The following CCDC15 variants were observed in gnomAD, a reference collection of about 807,000 sequenced individuals.
CCDC15 encodes coiled-coil domain containing 15.
A neutral mutation model predicts 114.5 loss-of-function variants in CCDC15; 105 were observed. That is an observed-to-expected ratio of 0.92 (90% confidence interval 0.78 to 1.08). CCDC15 has a LOEUF of 1.08. CCDC15 is among the 50% of genes least tolerant of loss of function. The pLI, the probability that CCDC15 is intolerant of heterozygous loss-of-function variation, is 0.00. For synonymous variants in CCDC15, 334 were observed against 377.8 expected (o/e 0.88, Z 1.34); for missense variants, 1,105 against 1,093.6 (o/e 1.01, Z -0.15).
At chr11:125,037,911 A>G (rs1349996952) in intron 13 of CCDC15, among the ~76,000 whole-genome samples, 1 of 136,934 alleles carries the variant, frequency 7.3e-6, no homozygotes, top group East Asian at 2.0e-4. Flanking sequence ...ACATTCTTAC[A>G]GAAAAACTGT....
chr11:124,965,936 T>C (rs972392606), intron 4 of CCDC15, among the ~76,000 whole-genome samples: 7 of 152,240 alleles, frequency 4.6e-5, no homozygotes, highest in African/African-American at 1.7e-4. Context: ...CCAGTTTCCA[T>C]GTAGTTGTGT....
Position 124,954,612 on chromosome 11 carries a change from T to C in CCDC15, c.-9-112T>C, listed in dbSNP as rs538473019. Reference sequence around the variant, plus strand: ...CGTGTGTTTCCACTTCATGCCAGGCTTCTGCCTCCAGGGCTTCTCTCCTTT... The same window carrying C: ...CGTGTGTTTCCACTTCATGCCAGGCCTCTGCCTCCAGGGCTTCTCTCCTTT... On this transcript the variant is annotated intron_variant, in intron 1 of 15. Coordinates refer to ENST00000344762, the MANE Select transcript of CCDC15 (RefSeq NM_025004.3). 1.3e-5 allele frequency: 11 copies of C among 816,054 alleles called. No homozygotes were observed. The East Asian group carries it at 2.5e-4, about 19-fold the overall frequency. 50.6% of individuals were successfully genotyped at this position (816,054 alleles called of 1,614,324 possible).
At chr11:124,995,027 C>T (rs4128483) in intron 11 of CCDC15, among the ~76,000 whole-genome samples, 9,577 of 152,058 alleles carry the variant, frequency 0.063, 366 homozygotes, top group African/African-American at 0.11. Context: ...TGAACTGCAA[C>T]TCTTGGTGAT....
intron 13 of CCDC15, among the ~76,000 whole-genome samples, chr11:125,022,626 T>A (rs969876796): frequency 6.6e-6 from 1 of 151,940 alleles, no homozygotes; most frequent in Non-Finnish European, 1.5e-5. Flanking sequence ...TTTTAACTTA[T>A]ACCTGTGTTA....
Position 124,981,397 on chromosome 11 carries a change from T to G in CCDC15, c.753+3797T>G, listed in dbSNP as rs1948070335. Among the ~76,000 whole-genome samples, 5 of 152,216 alleles carry G rather than the reference T, an allele frequency of 3.3e-5. No individual in the cohort carries two copies. In the South Asian group the frequency reaches 1.0e-3, roughly 32 times the overall value. Reference sequence around the variant, plus strand: ...TCTTGCTTTGTCACCCAGGCTGGAGTGTAGTGGCATGATCTTGGCTCACTG... The same window carrying G: ...TCTTGCTTTGTCACCCAGGCTGGAGGGTAGTGGCATGATCTTGGCTCACTG... On this transcript the variant is annotated intron_variant, in intron 6 of 15. Transcript: ENST00000344762.
At chr11:124,985,241 C>T (rs1176127756) in intron 6 of CCDC15, among the ~76,000 whole-genome samples, 1 of 152,070 alleles carries the variant, frequency 6.6e-6, no homozygotes, top group African/African-American at 2.4e-5. Flanking sequence ...TTGGTTTATC[C>T]ATTTATCAGT....
At chr11:124,994,679 C>T (rs1276434806) in intron 11 of CCDC15, among the ~76,000 whole-genome samples, 2 of 151,958 alleles carry the variant, frequency 1.3e-5, no homozygotes, top group African/African-American at 4.8e-5. Context: ...ATAAACTAAT[C>T]AGGTTTGGGC....
intron 15 of CCDC15, among the ~76,000 whole-genome samples, chr11:125,040,327 G>A (rs1948807370): frequency 2.0e-5 from 3 of 152,160 alleles, no homozygotes. Context: ...GTGAGCCACT[G>A]TGCCTGGCCT....
At chr11:125,033,706 G>T (rs1232174811) in intron 13 of CCDC15, among the ~76,000 whole-genome samples, 2 of 123,346 alleles carry the variant, frequency 1.6e-5, no homozygotes, top group Admixed American at 7.4e-5. Context: ...GCTCACAGTG[G>T]GCCATCTTTT....
chr11:124,995,355 T>C (rs1026123996), intron 11 of CCDC15, among the ~76,000 whole-genome samples: 2 of 152,172 alleles, frequency 1.3e-5, no homozygotes, highest in African/African-American at 4.8e-5. Flanking sequence ...AATTTGTAGT[T>C]AATTATTAAT....
chr11:125,026,675 T>C (rs2135538986), intron 13 of CCDC15, among the ~76,000 whole-genome samples: 1 of 152,324 alleles, frequency 6.6e-6, no homozygotes, highest in Middle Eastern at 3.4e-3. Context: ...TAAGCAACTC[T>C]TCTCACCTCC....
intron 12 of CCDC15, among the ~76,000 whole-genome samples, chr11:125,004,424 T>C (rs1948527364): frequency 6.6e-6 from 1 of 152,032 alleles, no homozygotes. Flanking sequence ...TTTTGTTTTT[T>C]AAAAATACCA....
chr11:125,038,595 A>C lies in CCDC15; in HGVS notation c.2576A>C (p.Glu859Ala), dbSNP rs200217514. 1.3e-6 allele frequency: 2 copies of C among 1,563,534 alleles called. No homozygotes were observed. The highest frequency in any genetic ancestry group is 2.8e-5 in the African/African-American group (2 of 72,690). ...GTREKQQREK[E>A]YLRYVEALRA... The stretch of plus-strand genomic sequence containing the variant: ...AGAGAAAAACAACAGAGAGAAAAAG[A>C]ATACCTGAGGTAATTTGAAAAGGTC... Residue 859 changes from glutamate to alanine, a missense_variant, in exon 14 of 16, where the codon GAA becomes GCA. Coordinates refer to ENST00000344762, the MANE Select transcript of CCDC15 (RefSeq NM_025004.3).
chr11:124,998,071 A>G (rs1948405863), intron 11 of CCDC15, among the ~76,000 whole-genome samples: 1 of 152,222 alleles, frequency 6.6e-6, no homozygotes. Context: ...CTACAGTTGT[A>G]TGGAAGGCAT....
chr11:124,986,230 C>G (rs960187750), intron 6 of CCDC15, among the ~76,000 whole-genome samples: 2 of 152,160 alleles, frequency 1.3e-5, no homozygotes, highest in Non-Finnish European at 2.9e-5. Flanking sequence ...GTCAGTATTA[C>G]AATGTCTTGA....
chr11:125,030,994 T>C (rs1948734972), intron 13 of CCDC15, among the ~76,000 whole-genome samples: 1 of 152,216 alleles, frequency 6.6e-6, no homozygotes, highest in East Asian at 1.9e-4. Flanking sequence ...TCCCCAGATT[T>C]CTTTGTCACC....
intron 6 of CCDC15, among the ~76,000 whole-genome samples, chr11:124,980,099 C>T (rs1948043551): frequency 6.6e-6 from 1 of 152,066 alleles, no homozygotes. Flanking sequence ...GTATGTTGAA[C>T]CAACCTTGCA....
chr11:125,007,791 G>A (rs1374492612), intron 13 of CCDC15, among the ~76,000 whole-genome samples: 1 of 152,132 alleles, frequency 6.6e-6, no homozygotes, highest in African/African-American at 2.4e-5. Flanking sequence ...GTGGTGAGAT[G>A]ATATCTCATT....
At chr11:125,037,919 T>C (rs1333524667) in intron 13 of CCDC15, among the ~76,000 whole-genome samples, 1 of 107,488 alleles carries the variant, frequency 9.3e-6, no homozygotes, top group African/African-American at 4.3e-5. Flanking sequence ...ACAGAAAAAC[T>C]GTTTTTTTTT....
Sources: allele counts gnomAD v4.1 joint callset (sites outside exome capture counted in the v4.1 genomes callset), GRCh38; gene constraint gnomAD v4.1.1; transcripts MANE v1.5; gene names NCBI Gene and HGNC (gene_info 2026-07-23, HGNC 2026-07-21).